FAM217A: variants seen among roughly 807,000 people sequenced by gnomAD.
The protein encoded by FAM217A is protein FAM217A.
In FAM217A, 13 loss-of-function variants were observed where a neutral mutation model predicts 18.5. That is an observed-to-expected ratio of 0.70 (90% confidence interval 0.46 to 1.12). The LOEUF (loss-of-function observed/expected upper bound fraction) is 1.12. Ranked by LOEUF, FAM217A falls within the 50% of genes most tolerant of loss-of-function variation. FAM217A has a pLI of 0.00. For missense variants in FAM217A, 560 were observed against 575.4 expected, an observed-to-expected ratio of 0.97 and a Z score of 0.27; for synonymous variants, 161 against 202.8, an observed-to-expected ratio of 0.79 and a Z score of 1.75.
In FAM217A at chr6:4,074,452, T is replaced by G. The variant is rs771580326; in HGVS notation, c.150A>C (p.Lys50Asn). The part of the protein sequence containing the change: ...PAGRDGAAGG[K>N]INKNYLEIPV... ...AAACATTCATCCTTACCTTGTTAAT[T>G]TTGCCTGAAATGTGTATAAAAAATG... Residue 50 changes from lysine (K) to asparagine (N), a missense_variant, in exon 4 of 7, where the codon AAA becomes AAC. Physicochemically the swap from Lys to Asn is moderately conservative, Grantham distance 94. Transcript: ENST00000274673. 1 of 1,579,812 alleles carries G rather than the reference T, an allele frequency of 6.3e-7. No individual in the cohort carries two copies.
intron 2 of FAM217A, among the ~76,000 whole-genome samples, chr6:4,076,285 C>T (rs1259119148): frequency 6.9e-6 from 1 of 145,396 alleles, no homozygotes; most frequent in African/African-American, 2.6e-5. Context: ...GCCACGATAG[C>T]ACCACTGCAC....
rs1208678332 is a variant in FAM217A, at chr6:4,069,328, T to A, written c.895A>T (p.Met299Leu). 1 of 1,614,130 alleles carries A rather than the reference T, an allele frequency of 6.2e-7. No homozygotes were observed. The highest frequency in any genetic ancestry group is 8.5e-7 in the Non-Finnish European group (1 of 1,180,000). Residue 299 changes from methionine to leucine, a missense_variant, in exon 7 of 7, where the codon ATG (methionine) becomes TTG (leucine). By Grantham distance (15) the Met-to-Leu change is conservative. Coordinates refer to ENST00000274673, the MANE Select transcript of FAM217A (RefSeq NM_173563.3). ...RLLELERLQHMTIQKERPRLQ... is the reference protein window; with the variant it reads ...RLLELERLQHLTIQKERPRLQ... ...CTTGGCCTCTCTTTTTGAATAGTCATATGTTGTAATCGTTCTAGTTCCAGT... is the reference window on the plus strand; with the variant it reads ...CTTGGCCTCTCTTTTTGAATAGTCAAATGTTGTAATCGTTCTAGTTCCAGT...
intron 1 of FAM217A, among the ~76,000 whole-genome samples, chr6:4,085,157 C>T (rs1770561837): frequency 6.6e-6 from 1 of 152,154 alleles, no homozygotes; most frequent in Admixed American, 6.5e-5. Flanking sequence ...CTGGTTGGCT[C>T]AGATCAAGAT....
In FAM217A at chr6:4,071,288, G is replaced by A. The variant is rs1380879078; in HGVS notation, c.303-1368C>T. ...GCAAAATGTTAAACACTAAGTTATCGTTACTTTTATTCTTTTTATTTGTTG... is the reference window on the plus strand; with the variant it reads ...GCAAAATGTTAAACACTAAGTTATCATTACTTTTATTCTTTTTATTTGTTG... On this transcript the variant is annotated intron_variant, in intron 6 of 6. Coordinates refer to ENST00000274673, the MANE Select transcript of FAM217A (RefSeq NM_173563.3). 3.9e-5 allele frequency among the ~76,000 whole-genome samples: 6 copies of A among 152,256 alleles called. No individual in the cohort carries two copies. In the East Asian group the frequency reaches 7.7e-4, roughly 20 times the overall value.
chr6:4,068,985 T>C lies in FAM217A; in HGVS notation c.1238A>G (p.Glu413Gly). The change falls in exon 7 of 7, where the codon GAA becomes GGA. Residue 413 changes from glutamate (E) to glycine (G), a missense_variant. By Grantham distance (98) the Glu-to-Gly change is moderately conservative. Transcript: ENST00000274673. The stretch of plus-strand genomic sequence containing the variant: ...GCCAATAGTAGGTTTGAATGAGAGT[T>C]CTTGGCATGGACTTAAAATAGAACT... ...PKSSILSPCQ[E>G]LSFKPTIGHT... The C allele has an allele frequency of 6.2e-7, 1 of 1,614,156 alleles. No individual in the cohort carries two copies. Among genetic ancestry groups the C allele is most frequent in the Non-Finnish European group, 8.5e-7 (1 of 1,180,012 alleles).
At chr6:4,082,697 C>T (rs1478817045), upstream of FAM217A, among the ~76,000 whole-genome samples, 3 of 152,202 alleles carry the variant, frequency 2.0e-5, no homozygotes, top group Admixed American at 6.5e-5. Context: ...TTAGATCAGA[C>T]CTTTTTTGTC....
rs2113865055 is a variant in FAM217A at position 4,073,501 on chromosome 6, A to C, written c.166T>G (p.Leu56Val). 1 of 1,613,264 alleles carries C rather than the reference A, an allele frequency of 6.2e-7. No individual in the cohort carries two copies. The highest frequency in any genetic ancestry group is 2.2e-5 in the East Asian group (1 of 44,740). Residue 56 changes from leucine to valine, a missense_variant, in exon 5 of 7, where the codon TTG becomes GTG. Coordinates refer to ENST00000274673, the MANE Select transcript of FAM217A (RefSeq NM_173563.3). ...ATCAGTTGCTCCACTGGAATTTCCA[A>C]ATAGTTCTATAAGGCAGCAGAAGAC... ...AAGGKINKNY[L>V]EIPVEQLMLE...
At chr6:4,073,168 C>T (rs1250862794) in intron 6 of FAM217A, 107 bp downstream of exon 6, 4 of 868,736 alleles carry the variant, frequency 4.6e-6, no homozygotes, top group Middle Eastern at 3.6e-4. Flanking sequence ...CCACAGAATA[C>T]TATTTTCTTC....
rs903585031 is a variant in FAM217A, at chr6:4,073,639, A to G, written c.160-132T>C. ...ATGACACTTTGTTTATATACAAAGA[A>G]ATCATTTGTTTTTACTGATTTCAGC... On this transcript the variant is annotated intron_variant, in intron 4 of 6. Coordinates refer to ENST00000274673, the MANE Select transcript of FAM217A (RefSeq NM_173563.3). The G allele has an allele frequency of 1.2e-5, 8 of 653,804 alleles. No individual in the cohort carries two copies. The African/African-American group carries it at 1.5e-4, about 12-fold the overall frequency. 40.5% of individuals were successfully genotyped at this position (653,804 alleles called of 1,614,324 possible).
rs371705283 is a variant in FAM217A, at chr6:4,085,271, A to G, written c.19-461T>C. ...ATTACACTATAATTAGAGAAAATGA[A>G]TGAGATTGATTCCTAGAAGTGTTAT... On this transcript the variant is annotated intron_variant, in intron 1 of 8. Transcript: ENST00000639338. Among the ~76,000 whole-genome samples, 61 of 150,806 alleles carry G rather than the reference A, an allele frequency of 4.0e-4. No homozygotes were observed. In the South Asian group the frequency reaches 0.011, roughly 27 times the overall value.
At position 4,069,027 on chromosome 6, in the gene FAM217A, T is replaced by C. The variant is rs1427318800; in HGVS notation, c.1196A>G (p.Tyr399Cys). 1.2e-6 allele frequency: 2 copies of C among 1,613,768 alleles called. No individual in the cohort carries two copies. Among genetic ancestry groups the C allele is most frequent in the African/African-American group, 1.3e-5 (1 of 74,934 alleles). Residue 399 changes from tyrosine (Y) to cysteine (C), a missense_variant, in exon 7 of 7, where the codon TAT (tyrosine) becomes TGT (cysteine). By Grantham distance (194) the Tyr-to-Cys change is radical. Coordinates refer to ENST00000274673, the MANE Select transcript of FAM217A (RefSeq NM_173563.3). ...AATAGAACTTTTGGGATTCTTATCA[T>C]AAGTTTCAATCAATTGTTTTGGGGT... Reference protein sequence around the residue: ...SSTPKQLIETYDKNPKSSILS... With the variant: ...SSTPKQLIETCDKNPKSSILS...
chr6:4,073,177 T>C, intron 6 of FAM217A, 98 bp downstream of exon 6: 2 of 942,748 alleles, frequency 2.1e-6, no homozygotes, highest in Non-Finnish European at 3.2e-6. Context: ...ACTATTTTCT[T>C]CTGGTTGTTC....
At chr6:4,082,975 T>C (rs1030406088), upstream of FAM217A, among the ~76,000 whole-genome samples, 2 of 152,308 alleles carry the variant, frequency 1.3e-5, no homozygotes, top group Non-Finnish European at 2.9e-5. Flanking sequence ...GGCCAAACCC[T>C]TGGCCCCTAC....
chr6:4,069,835 T>G lies in FAM217A; in HGVS notation c.388A>C (p.Ile130Leu), dbSNP rs1769285876. ...CCAACTTGCTTATCAACTGAAGCAA[T>G]TGTTAATGGGTGGTTCAGAGTGAAG... ...RVFTLNHPLT[I>L]ASVDKQVGPY... Residue 130 changes from isoleucine (I) to leucine (L), a missense_variant, in exon 7 of 7, where the codon ATT becomes CTT. Ile to Leu is a conservative substitution (Grantham distance 5). Transcript: ENST00000274673. 6.2e-7 allele frequency: 1 copy of G among 1,613,904 alleles called. No homozygotes were observed. The highest frequency in any genetic ancestry group is 1.1e-5 in the South Asian group (1 of 91,084).
At chr6:4,076,049 G>A (rs1433645790) in intron 2 of FAM217A, among the ~76,000 whole-genome samples, 3 of 148,134 alleles carry the variant, frequency 2.0e-5, no homozygotes, top group Admixed American at 6.7e-5. Context: ...GGTGAGGGCC[G>A]GGCGCAGTGG....
upstream of FAM217A, among the ~76,000 whole-genome samples, chr6:4,081,767 A>G (rs564902934): frequency 2.6e-5 from 4 of 152,378 alleles, no homozygotes; most frequent in South Asian, 8.3e-4. Context: ...TCTAGCTGGG[A>G]AATGTTCCCC....
chr6:4,086,446 CAAAA>C lies in FAM217A; in HGVS notation c.18+560_18+563del, dbSNP rs60309347. On this transcript the variant is annotated intron_variant, in intron 1 of 8. Transcript: ENST00000639338. The stretch of plus-strand genomic sequence containing the variant: ...GGGCAACAAGAGCAAAACTCTGTCT[CAAAA>C]AAAAAAAAAAAAAAAAAAAAATCCA... Among the ~76,000 whole-genome samples the C allele has an allele frequency of 3.2e-3, 243 of 76,862 alleles. 2 individuals are homozygous for C. Among genetic ancestry groups the C allele is most frequent in the African/African-American group, 5.8e-3 (140 of 23,972 alleles). 50.4% of individuals were successfully genotyped at this position (76,862 alleles called of 152,430 possible).
chr6:4,072,001 T>C (rs1769444800), intron 6 of FAM217A, among the ~76,000 whole-genome samples: 1 of 152,142 alleles, frequency 6.6e-6, no homozygotes, highest in African/African-American at 2.4e-5. Context: ...AGAAGCCTTC[T>C]AGCTAGTCTT....
chr6:4,076,059 G>A (rs1468136859), intron 2 of FAM217A, among the ~76,000 whole-genome samples: 1 of 149,596 alleles, frequency 6.7e-6, no homozygotes, highest in Non-Finnish European at 1.5e-5. Flanking sequence ...GGGCGCAGTG[G>A]CTCAAGTGGC....
Sources: gnomAD v4.1 joint callset for allele counts (sites outside exome capture counted in the v4.1 genomes callset) on GRCh38, gnomAD v4.1.1 for gene constraint, MANE v1.5 for transcripts, NCBI Gene and HGNC (gene_info 2026-07-23, HGNC 2026-07-21) for gene names.